RPL28: variants seen among roughly 807,000 people sequenced by gnomAD.
RPL28 encodes ribosomal protein L28, also known as large ribosomal subunit protein eL28.
In RPL28, 4 loss-of-function variants were observed where a neutral mutation model predicts 12.5. The observed-to-expected ratio is 0.32, with a 90% confidence interval of 0.16 to 0.73. RPL28 has a LOEUF of 0.73. RPL28 is among the 30% of genes least tolerant of loss of function. The pLI is 0.66. For missense variants in RPL28, 214 were observed against 197.7 expected, an observed-to-expected ratio of 1.08 and a Z score of -0.49; for synonymous variants, 91 against 72.5, an observed-to-expected ratio of 1.26 and a Z score of -1.30.
intron 4 of RPL28, chr19:55,401,086 A>G (rs560899600): frequency 3.4e-6 from 1 of 296,004 alleles, no homozygotes; most frequent in South Asian, 5.1e-5. Context: ...GACTCCAAAG[A>G]GGGGTTGTGA....
At position 55,391,712 on chromosome 19, in the gene RPL28, C is replaced by G; in HGVS notation, c.*3380C>G. 1 of 1,524,052 alleles carries G rather than the reference C, an allele frequency of 6.6e-7. No homozygotes were observed. The highest frequency in any genetic ancestry group is 8.9e-7 in the Non-Finnish European group (1 of 1,125,488). 94.4% of individuals were successfully genotyped at this position (1,524,052 alleles called of 1,614,324 possible). A position where few individuals can be genotyped will look rare whatever the true frequency, so the allele number is the denominator to read the frequency against. ...TGATGAGAAGATTAAATGTGCAAAACCTGCTTGACTGTGCCCACAAATCCT... is the reference window on the plus strand; with the variant it reads ...TGATGAGAAGATTAAATGTGCAAAAGCTGCTTGACTGTGCCCACAAATCCT... On this transcript the variant is annotated 3_prime_UTR_variant, in exon 5 of 5. Coordinates refer to ENST00000344063, the MANE Select transcript of RPL28 (RefSeq NM_000991.5).
intron 3 of RPL28, 23 bp downstream of exon 3, chr19:55,386,716 CA>C (rs1407040802): frequency 6.2e-7 from 1 of 1,613,464 alleles, no homozygotes; most frequent in African/African-American, 1.3e-5. Flanking sequence ...TGGTTTGGGC[CA>C]GAGAGCGGCC....
At chr19:55,401,297 T>C in intron 4 of RPL28, 1 of 918,460 alleles carries the variant, frequency 1.1e-6, no homozygotes, top group Non-Finnish European at 1.6e-6. Flanking sequence ...TTTCCAACTT[T>C]ATTTAGAAAA....
chr19:55,403,110 T>C, exon 5 of RPL28: 1 of 902,336 alleles, frequency 1.1e-6, no homozygotes, highest in Non-Finnish European at 1.8e-6. Context: ...CACTAGATGC[T>C]AGTGGCACCC....
rs1001156010 is a variant in RPL28, at chr19:55,389,495, C to G, written c.*1163C>G. The G allele has an allele frequency of 1.0e-6, 1 of 985,438 alleles. No individual in the cohort carries two copies. The highest frequency in any genetic ancestry group is 4.7e-5 in the South Asian group (1 of 21,280). The allele number at this position is 985,438 out of a possible 1,614,324, so 61.0% of individuals were successfully genotyped here. A position where few individuals can be genotyped will look rare whatever the true frequency, so the allele number is the denominator to read the frequency against. On this transcript the variant is annotated 3_prime_UTR_variant, in exon 5 of 5. Transcript: ENST00000344063. ...TCCTGCCATCCTGGGGTACCCGATT[C>G]AAAGAAGGACTCTGCTCCCTGTCTG...
At position 55,386,437 on chromosome 19, in the gene RPL28, C is replaced by T; in HGVS notation, c.80C>T (p.Thr27Ile). The change falls in exon 2 of 5, where the codon ACT (threonine) becomes ATT (isoleucine). Residue 27 changes from threonine to isoleucine, a missense_variant and splice_region_variant. Thr to Ile is a moderately conservative substitution (Grantham distance 89). Coordinates refer to ENST00000344063, the MANE Select transcript of RPL28 (RefSeq NM_000991.5). Reference protein sequence around the residue: ...LIKRNKQTYSTEPNNLKARNS... With the variant: ...LIKRNKQTYSIEPNNLKARNS... The stretch of plus-strand genomic sequence containing the variant: ...AAGAGGAATAAGCAGACCTACAGCA[C>T]TGTAAGTGGGGCCCGGATGCGTGGC... The T allele has an allele frequency of 6.2e-7, 1 of 1,614,030 alleles. No homozygotes were observed. Among genetic ancestry groups the T allele is most frequent in the Non-Finnish European group, 8.5e-7 (1 of 1,179,906 alleles).
Position 55,399,635 on chromosome 19 carries a change from C to T in RPL28, c.325-3308C>T, listed in dbSNP as rs1389526917. 3 of 152,148 alleles carry T rather than the reference C, an allele frequency of 2.0e-5. No homozygotes were observed. In the East Asian group the frequency reaches 5.8e-4, roughly 29 times the overall value. The allele number at this position is 152,148 out of a possible 1,614,324, so 9.4% of individuals were successfully genotyped here. On this transcript the variant is annotated intron_variant, in intron 4 of 4. Coordinates refer to the RPL28 transcript ENST00000560055. ...CGGTCTTGGTATTTCTAGTGACCAACCCCCTTCCTGAAGCTACGCAGGGGC... is the reference window on the plus strand; with the variant it reads ...CGGTCTTGGTATTTCTAGTGACCAATCCCCTTCCTGAAGCTACGCAGGGGC...
At chr19:55,397,571 A>G (rs1569046110) in intron 4 of RPL28, among the ~76,000 whole-genome samples, 1 of 152,096 alleles carries the variant, frequency 6.6e-6, no homozygotes, top group South Asian at 2.1e-4. Flanking sequence ...TAGTAGAGAC[A>G]GGGTTTCACC....
chr19:55,388,481 G>A lies in RPL28; in HGVS notation c.*149G>A. The A allele has an allele frequency of 1.5e-6, 2 of 1,331,106 alleles. No homozygotes were observed. Among genetic ancestry groups the A allele is most frequent in the Non-Finnish European group, 1.9e-6 (2 of 1,035,892 alleles). The allele number at this position is 1,331,106 out of a possible 1,614,324, so 82.5% of individuals were successfully genotyped here. Reference sequence around the variant, plus strand: ...ACTCTGCATGTCACCTTGTCCATCTGGAGGTGATGTCAATGGCTGGCCATG... The same window carrying A: ...ACTCTGCATGTCACCTTGTCCATCTAGAGGTGATGTCAATGGCTGGCCATG... On this transcript the variant is annotated 3_prime_UTR_variant, in exon 5 of 5. Transcript: ENST00000344063.
At chr19:55,396,419 CACCCAAGTATTCA>C (rs2090022446), downstream of RPL28, among the ~76,000 whole-genome samples, 1 of 148,086 alleles carries the variant, frequency 6.8e-6, no homozygotes, top group Non-Finnish European at 1.5e-5. Context: ...ACCCTCAAAC[CACCCAAGTATTCA>C]ACCCTGGCTG....
intron 3 of RPL28, 191 bp from the exon 4 acceptor site, chr19:55,387,737 CAG>C: frequency 1.4e-6 from 2 of 1,442,338 alleles, no homozygotes; most frequent in Non-Finnish European, 1.8e-6. Context: ...GCTGTGTCCT[CAG>C]TACTCCGTGA....
Position 55,390,403 on chromosome 19 carries a change from C to G in RPL28, c.*2071C>G, listed in dbSNP as rs1569042868. On this transcript the variant is annotated 3_prime_UTR_variant, in exon 5 of 5. Coordinates refer to ENST00000344063, the MANE Select transcript of RPL28 (RefSeq NM_000991.5). ...TATTTTTAGCAGAGATGGGGTTTCA[C>G]CATTTTGCCCAGGCTGGTTTGGAAC... 2 of 914,754 alleles carry G rather than the reference C, an allele frequency of 2.2e-6. No individual in the cohort carries two copies. The allele number at this position is 914,754 out of a possible 1,614,324, so 56.7% of individuals were successfully genotyped here.
rs2089970261 is a variant in RPL28 at position 55,389,580 on chromosome 19, GT to G, written c.*1250del. ...CTGTCAGGGCCTCGACTTGCCATTG[GT>G]TGGGGTCGTACGGGGCTGGGAGCCC... is the stretch of plus-strand genomic sequence containing the variant. On this transcript the variant is annotated 3_prime_UTR_variant, in exon 5 of 5. Transcript: ENST00000344063. 2.0e-6 allele frequency: 2 copies of G among 985,400 alleles called. No homozygotes were observed. Among genetic ancestry groups the G allele is most frequent in the Admixed American group, 6.1e-5 (1 of 16,270 alleles). 61.0% of individuals were successfully genotyped at this position (985,400 alleles called of 1,614,324 possible).
chr19:55,401,525 G>T, intron 4 of RPL28: 1 of 1,610,474 alleles, frequency 6.2e-7, no homozygotes, highest in Non-Finnish European at 8.5e-7. Context: ...TTGGCCATGG[G>T]ACCCTCAGCC....
At chr19:55,402,190 CAG>C (rs1253782554) in intron 4 of RPL28, among the ~76,000 whole-genome samples, 1 of 152,228 alleles carries the variant, frequency 6.6e-6, no homozygotes, top group Non-Finnish European at 1.5e-5. Flanking sequence ...GCAGCCTGGA[CAG>C]AGAGAAGAGA....
downstream of RPL28, among the ~76,000 whole-genome samples, chr19:55,396,801 C>T (rs1431850957): frequency 4.0e-5 from 6 of 150,756 alleles, no homozygotes; most frequent in East Asian, 4.0e-4. Flanking sequence ...AGGATGTTCT[C>T]GATCTCCTGA....
downstream of RPL28, among the ~76,000 whole-genome samples, chr19:55,395,569 T>G (rs570643651): frequency 3.2e-4 from 48 of 151,010 alleles, no homozygotes; most frequent in South Asian, 6.4e-4. Flanking sequence ...TCAGCCTCCC[T>G]AGTAGCTGGG....
chr19:55,391,507 T>C lies in RPL28; in HGVS notation c.*3175T>C, dbSNP rs1393795804. 6.9e-7 allele frequency: 1 copy of C among 1,451,300 alleles called. No homozygotes were observed. The highest frequency in any genetic ancestry group is 1.4e-5 in the African/African-American group (1 of 70,518). 89.9% of individuals were successfully genotyped at this position (1,451,300 alleles called of 1,614,324 possible). A position where few individuals can be genotyped will look rare whatever the true frequency, so the allele number is the denominator to read the frequency against. ...GTGCAGAGCGCTGGGGACTCCAGAC[T>C]CCCCACAGCAGCAGAGACTCGGGAC... On this transcript the variant is annotated 3_prime_UTR_variant, in exon 5 of 5. Coordinates refer to ENST00000344063, the MANE Select transcript of RPL28 (RefSeq NM_000991.5).
intron 4 of RPL28, 82 bp from the exon 5 acceptor site, chr19:55,388,161 C>G: frequency 6.4e-7 from 1 of 1,552,416 alleles, no homozygotes. Context: ...TGCTTTCAGC[C>G]TACTCCCCAC....
Sources: gnomAD v4.1 joint callset for allele counts (sites outside exome capture counted in the v4.1 genomes callset) on GRCh38, gnomAD v4.1.1 for gene constraint, MANE v1.5 for transcripts, NCBI Gene and HGNC (gene_info 2026-07-23, HGNC 2026-07-21) for gene names.